The following ZNF385D variants were observed in gnomAD, a reference collection of about 807,000 sequenced individuals.
ZNF385D encodes zinc finger protein 659.
A neutral mutation model predicts 35.8 loss-of-function variants in ZNF385D; 15 were observed. The ratio of observed to expected loss-of-function variants is 0.42; its 90% confidence interval spans 0.28 to 0.64. ZNF385D has a LOEUF of 0.64. ZNF385D is among the 30% of genes least tolerant of loss of function. ZNF385D has a pLI of 0.23. For synonymous variants in ZNF385D, 212 were observed against 186.8 expected, an observed-to-expected ratio of 1.13 and a Z score of -1.10; for missense variants, 474 against 494.6, an observed-to-expected ratio of 0.96 and a Z score of 0.39.
chr3:21,763,977 A>T (rs1475422866), intron 3 of ZNF385D, among the ~76,000 whole-genome samples: 1 of 152,186 alleles, frequency 6.6e-6, no homozygotes, highest in Non-Finnish European at 1.5e-5. Flanking sequence ...TGGAGCTTAC[A>T]GTTTCCCAAA....
chr3:21,631,285 C>T (rs910450948), intron 2 of ZNF385D, among the ~76,000 whole-genome samples: 2 of 152,014 alleles, frequency 1.3e-5, no homozygotes, highest in African/African-American at 4.8e-5. Flanking sequence ...CCTCTCCTAC[C>T]CTTCCAAGGC....
In ZNF385D at chr3:22,061,326, G is replaced by C. The variant is rs139913745; in HGVS notation, c.325+107491C>G. On this transcript the variant is annotated intron_variant, in intron 3 of 5. Coordinates refer to the ZNF385D transcript ENST00000494108. ...TTCCTTATTCATTTACTTTTCTTCT[G>C]TCCAAATGTATTTTAGTCCCCCCAT... is the stretch of plus-strand genomic sequence containing the variant. 2.8e-3 allele frequency among the ~76,000 whole-genome samples: 421 copies of C among 152,132 alleles called. 1 individual carries two copies. Among genetic ancestry groups the C allele is most frequent in the African/African-American group, 9.6e-3 (398 of 41,502 alleles).
At chr3:22,192,794 T>C (rs1336918542) in intron 2 of ZNF385D, among the ~76,000 whole-genome samples, 1 of 152,126 alleles carries the variant, frequency 6.6e-6, no homozygotes, top group Non-Finnish European at 1.5e-5. Context: ...GGTGGAATTC[T>C]GCCTCCTCTA....
intron 3 of ZNF385D, among the ~76,000 whole-genome samples, chr3:21,800,081 A>G (rs1291185314): frequency 6.6e-6 from 1 of 152,180 alleles, no homozygotes; most frequent in African/African-American, 2.4e-5. Flanking sequence ...CTGGACTATC[A>G]CTTCTAATCT....
rs1456874090 is a variant in ZNF385D at position 22,096,217 on chromosome 3, C to T, written c.325+72600G>A. ...GGTTGAAAAACCGACTGTTGAGTAG[C>T]ATGCTCACTACCTGGGTGGCAAGAT... On this transcript the variant is annotated intron_variant, in intron 3 of 5. Coordinates refer to the ZNF385D transcript ENST00000494108. Among the ~76,000 whole-genome samples the T allele has an allele frequency of 2.6e-5, 4 of 152,076 alleles. No homozygotes were observed. The East Asian group carries it at 5.8e-4, about 22-fold the overall frequency.
intron 3 of ZNF385D, among the ~76,000 whole-genome samples, chr3:22,038,034 G>T (rs1698446052): frequency 1.3e-5 from 2 of 152,074 alleles, no homozygotes. Flanking sequence ...TATGTAGAAA[G>T]CTGAAACTGG....
intron 2 of ZNF385D, among the ~76,000 whole-genome samples, chr3:22,352,576 G>T (rs1695966499): frequency 6.6e-6 from 1 of 152,128 alleles, no homozygotes; most frequent in African/African-American, 2.4e-5. Flanking sequence ...CACATTTTTA[G>T]TGAGTGGCTT....
At chr3:21,640,439 G>A (rs1015221516) in intron 2 of ZNF385D, among the ~76,000 whole-genome samples, 2 of 152,038 alleles carry the variant, frequency 1.3e-5, no homozygotes, top group African/African-American at 2.4e-5. Flanking sequence ...CCCCAGATTC[G>A]TATGATGAAG....
intron 3 of ZNF385D, among the ~76,000 whole-genome samples, chr3:22,026,542 T>G (rs1040168146): frequency 6.6e-6 from 1 of 152,134 alleles, no homozygotes; most frequent in African/African-American, 2.4e-5. Flanking sequence ...TTAATGGAGT[T>G]TTAGCTCAGG....
At chr3:21,791,982 C>A (rs1452545565) in intron 3 of ZNF385D, among the ~76,000 whole-genome samples, 6 of 152,210 alleles carry the variant, frequency 3.9e-5, no homozygotes, top group Admixed American at 3.9e-4. Context: ...ATCCACCTAC[C>A]TCAGCCTCCC....
chr3:22,146,714 A>G (rs1704882561), intron 3 of ZNF385D, among the ~76,000 whole-genome samples: 1 of 152,162 alleles, frequency 6.6e-6, no homozygotes. Flanking sequence ...TGATTCTGAC[A>G]TTTTAGTTTT....
At chr3:22,199,455 G>A (rs550865419) in intron 2 of ZNF385D, among the ~76,000 whole-genome samples, 3 of 152,202 alleles carry the variant, frequency 2.0e-5, no homozygotes, top group Middle Eastern at 3.4e-3. Flanking sequence ...CAAGATGTTA[G>A]GCCATGGTAA....
At chr3:21,794,935 A>T (rs908412326) in intron 3 of ZNF385D, among the ~76,000 whole-genome samples, 8 of 152,240 alleles carry the variant, frequency 5.3e-5, no homozygotes, top group African/African-American at 1.9e-4. Flanking sequence ...AATAATGATC[A>T]GCAAATATTG....
rs536494268 is a variant in ZNF385D, at chr3:22,021,648, T to C, written c.325+147169A>G. On this transcript the variant is annotated intron_variant, in intron 3 of 5. Coordinates refer to the ZNF385D transcript ENST00000494108. Reference sequence around the variant, plus strand: ...GTCTATAACAAATACTCAATACAAGTTGAAGCAGAAAAAATTTTTTTGAGA... The same window carrying C: ...GTCTATAACAAATACTCAATACAAGCTGAAGCAGAAAAAATTTTTTTGAGA... Among the ~76,000 whole-genome samples the C allele has an allele frequency of 4.6e-5, 7 of 152,162 alleles. No homozygotes were observed. The South Asian group carries it at 1.2e-3, about 27-fold the overall frequency.
chr3:21,561,018 G>A (rs1414867058), intron 3 of ZNF385D, among the ~76,000 whole-genome samples: 2 of 152,124 alleles, frequency 1.3e-5, no homozygotes, highest in African/African-American at 4.8e-5. Flanking sequence ...AGCATCCCAG[G>A]TCGACCTCAG....
At chr3:22,027,155 G>A (rs1381969944) in intron 3 of ZNF385D, among the ~76,000 whole-genome samples, 1 of 152,212 alleles carries the variant, frequency 6.6e-6, no homozygotes, top group Non-Finnish European at 1.5e-5. Context: ...TCCTTCTAAG[G>A]TGAAGGATAA....
At chr3:21,751,228 A>AT, upstream of ZNF385D, 1 of 1,198,242 alleles carries the variant, frequency 8.3e-7, no homozygotes, top group South Asian at 2.3e-5. Context: ...CTACAAGCAG[A>AT]CCCCTCCACC....
chr3:21,929,167 T>C (rs1700884299), intron 3 of ZNF385D, among the ~76,000 whole-genome samples: 1 of 152,100 alleles, frequency 6.6e-6, no homozygotes, highest in Non-Finnish European at 1.5e-5. Context: ...AAGGTTGGAT[T>C]ATACCCAGAA....
chr3:21,821,157 T>TA (rs976370110), intron 3 of ZNF385D, among the ~76,000 whole-genome samples: 1 of 152,032 alleles, frequency 6.6e-6, no homozygotes, highest in Admixed American at 6.6e-5. Flanking sequence ...TAAATGTTTC[T>TA]AAGTTATTTT....
Sources: gnomAD v4.1 joint callset for allele counts (sites outside exome capture counted in the v4.1 genomes callset) on GRCh38, gnomAD v4.1.1 for gene constraint, MANE v1.5 for transcripts, NCBI Gene and HGNC (gene_info 2026-07-23, HGNC 2026-07-21) for gene names.